INPP5F: variants seen among roughly 807,000 people sequenced by gnomAD.
INPP5F encodes phosphatidylinositide 4-phosphatase SAC2.
Under a neutral mutation model 137.2 loss-of-function variants are expected in INPP5F, and 97 were observed. That is an observed-to-expected ratio of 0.71 (90% CI 0.60 to 0.84). INPP5F has a LOEUF of 0.84. INPP5F is among the 40% of genes least tolerant of loss of function. The pLI is 0.00. For synonymous variants in INPP5F, 504 were observed against 476.9 expected (o/e 1.06, Z -0.74); for missense variants, 1,271 against 1,371.9 (o/e 0.93, Z 1.16).
rs1203194769 is a variant in INPP5F, at chr10:119,748,522, G to A, written c.98-2554G>A. Among the ~76,000 whole-genome samples the A allele has an allele frequency of 5.3e-5, 8 of 152,144 alleles. No homozygotes were observed. The highest frequency in any genetic ancestry group is 8.8e-5 in the Non-Finnish European group (6 of 68,016). On this transcript the variant is annotated intron_variant, in intron 1 of 19. Coordinates refer to ENST00000650623, the MANE Select transcript of INPP5F (RefSeq NM_014937.4). This position sits in a 1 kb window ranked among gnomAD's most constrained non-coding sequence, Gnocchi z 4.7. Reference sequence around the variant, plus strand: ...GCAAGGTATGTGGACAACTGGAGGGGGAGCAAGGCAGAGAGCAGCTTCATT... The same window carrying A: ...GCAAGGTATGTGGACAACTGGAGGGAGAGCAAGGCAGAGAGCAGCTTCATT...
At chr10:119,757,915 T>C (rs763528587) in intron 2 of INPP5F, among the ~76,000 whole-genome samples, 2 of 152,272 alleles carry the variant, frequency 1.3e-5, no homozygotes, top group Non-Finnish European at 2.9e-5. Flanking sequence ...GGGCCATGTC[T>C]ATTCTGCTTA....
chr10:119,797,021 C>T, intron 7 of INPP5F, 108 bp downstream of exon 7: 3 of 1,075,520 alleles, frequency 2.8e-6, no homozygotes, highest in Admixed American at 2.0e-5. Flanking sequence ...ACACAGTTGG[C>T]TTCAAAGTGC....
At chr10:119,821,070 C>G (rs557034584) in intron 16 of INPP5F, among the ~76,000 whole-genome samples, 153 bp downstream of exon 16, 6 of 152,218 alleles carry the variant, frequency 3.9e-5, no homozygotes, top group Middle Eastern at 3.4e-3. Flanking sequence ...ATAACTGTTA[C>G]GTCATTCTAA....
intron 6 of INPP5F, among the ~76,000 whole-genome samples, chr10:119,795,354 TC>T (rs1216111883): frequency 2.1e-5 from 3 of 143,858 alleles, no homozygotes; most frequent in Non-Finnish European, 4.5e-5. Flanking sequence ...GCTCCTCACT[TC>T]TCAGACGGGG....
At chr10:119,824,018 TAG>T in intron 19 of INPP5F, 116 bp downstream of exon 19, 1 of 673,920 alleles carries the variant, frequency 1.5e-6, no homozygotes, top group Non-Finnish European at 2.5e-6. Context: ...TGTTGGTATT[TAG>T]AGAGGTAAGG....
At chr10:119,771,566 G>T (rs972831578) in intron 2 of INPP5F, among the ~76,000 whole-genome samples, 2 of 151,720 alleles carry the variant, frequency 1.3e-5, no homozygotes, top group African/African-American at 2.4e-5. Flanking sequence ...TCCTCTGAGA[G>T]TTTCTTTATG....
intron 6 of INPP5F, among the ~76,000 whole-genome samples, chr10:119,794,530 T>C (rs568158856): frequency 2.5e-4 from 38 of 152,080 alleles, no homozygotes; most frequent in African/African-American, 8.2e-4. Flanking sequence ...CAATGAGCTG[T>C]TGGGTACACC....
chr10:119,781,766 C>A lies in INPP5F; in HGVS notation c.310C>A (p.Leu104Ile). ...LSEMEPQDLE[L>I]ELCKKHHFGI... is the part of the protein sequence containing the mutation. ...TGAAATGGAACCTCAGGATCTTGAG[C>A]TAGAGGTAGGTGAAATAAAGGGAAA... Residue 104 changes from leucine to isoleucine, a missense_variant, in exon 3 of 20, where the codon CTA becomes ATA. Transcript: ENST00000650623. The A allele has an allele frequency of 6.3e-7, 1 of 1,596,028 alleles. No homozygotes were observed.
Position 119,797,449 on chromosome 10 carries a change from A to G in INPP5F, c.869-12A>G. On this transcript the variant is annotated splice_polypyrimidine_tract_variant and intron_variant, in intron 7 of 19. Coordinates refer to ENST00000650623, the MANE Select transcript of INPP5F (RefSeq NM_014937.4). ...TAAAATGTTGCTGTTTTCTGTTTTAATTTTCTTTCAGGAATGCGCTATAAA... is the reference window on the plus strand; with the variant it reads ...TAAAATGTTGCTGTTTTCTGTTTTAGTTTTCTTTCAGGAATGCGCTATAAA... 3.2e-6 allele frequency: 5 copies of G among 1,586,190 alleles called. No homozygotes were observed. Among genetic ancestry groups the G allele is most frequent in the Non-Finnish European group, 4.3e-6 (5 of 1,164,326 alleles).
chr10:119,729,034 A>G (rs1847972953), intron 1 of INPP5F, among the ~76,000 whole-genome samples: 1 of 152,076 alleles, frequency 6.6e-6, no homozygotes, highest in South Asian at 2.1e-4. Flanking sequence ...GTTTGAGTTG[A>G]GCTGAATTAA....
chr10:119,797,611 G>C lies in INPP5F; in HGVS notation c.1019G>C (p.Arg340Pro), dbSNP rs780758452. The C allele has an allele frequency of 3.1e-6, 5 of 1,612,752 alleles. No individual in the cohort carries two copies. Among genetic ancestry groups the C allele is most frequent in the South Asian group, 1.1e-5 (1 of 90,710 alleles). ...GTCTTTTGGAGCCAGGTTGGGTATC[G>C]ATATAACCCAAGACCGCGGCTGGAC... ...VPVFWSQVGY[R>P]YNPRPRLDRS... The change falls in exon 8 of 20, where the codon CGA (arginine) becomes CCA (proline). Residue 340 changes from arginine to proline, a missense_variant. Arg to Pro is a moderately radical substitution (Grantham distance 103). Around this residue, in one of 6 missense-constraint regions of INPP5F, gnomAD observed 593 missense variants for 712.4 expected, o/e 0.83. Coordinates refer to ENST00000650623, the MANE Select transcript of INPP5F (RefSeq NM_014937.4).
chr10:119,825,968 C>G, intron 19 of INPP5F: 1 of 398,434 alleles, frequency 2.5e-6, no homozygotes, highest in Non-Finnish European at 4.4e-6. Flanking sequence ...TGAGGGATAC[C>G]AAAGGAGAGA....
intron 6 of INPP5F, among the ~76,000 whole-genome samples, chr10:119,795,238 G>A (rs867058479): frequency 4.6e-5 from 7 of 151,218 alleles, no homozygotes; most frequent in Middle Eastern, 3.5e-3. Context: ...TGGACGGGGC[G>A]GCTGGCCGGG....
intron 1 of INPP5F, among the ~76,000 whole-genome samples, chr10:119,746,187 C>T (rs1006096859): frequency 9.3e-4 from 142 of 152,316 alleles, no homozygotes; most frequent in African/African-American, 3.2e-3. Flanking sequence ...ATGTGTTTCT[C>T]CAATGATGGG....
intron 15 of INPP5F, among the ~76,000 whole-genome samples, chr10:119,820,200 A>G (rs1851499206): frequency 6.6e-6 from 1 of 152,168 alleles, no homozygotes. Context: ...TTTTGGTTTC[A>G]TGGTTCATGA....
chr10:119,739,136 C>T (rs1353243064), intron 1 of INPP5F, among the ~76,000 whole-genome samples: 4 of 151,976 alleles, frequency 2.6e-5, no homozygotes, highest in Non-Finnish European at 1.5e-5. Context: ...GAGTTATGAT[C>T]AAGCTGCTGC....
In INPP5F at chr10:119,823,920, C is replaced by T. The variant is rs2134302136; in HGVS notation, c.2249+18C>T. The stretch of plus-strand genomic sequence containing the variant: ...CTTGAGAGGTGAGTATACTGCTTCT[C>T]TCAAGAATAAAGGCATTCTTATCCA... On this transcript the variant is annotated intron_variant, in intron 19 of 19. Coordinates refer to ENST00000650623, the MANE Select transcript of INPP5F (RefSeq NM_014937.4). The T allele has an allele frequency of 1.9e-6, 3 of 1,571,796 alleles. No homozygotes were observed. Among genetic ancestry groups the T allele is most frequent in the African/African-American group, 1.4e-5 (1 of 73,960 alleles).
At chr10:119,770,318 C>T (rs1849300259) in intron 2 of INPP5F, among the ~76,000 whole-genome samples, 1 of 152,150 alleles carries the variant, frequency 6.6e-6, no homozygotes, top group Non-Finnish European at 1.5e-5. Flanking sequence ...ATCCTGATCT[C>T]AAAATGGTAG....
intron 6 of INPP5F, among the ~76,000 whole-genome samples, chr10:119,794,514 C>T (rs1052528091): frequency 1.2e-4 from 18 of 152,076 alleles, no homozygotes; most frequent in South Asian, 4.2e-4. Flanking sequence ...CATCATGGCC[C>T]GTTCTCAATG....
Sources: allele counts gnomAD v4.1 joint callset (sites outside exome capture counted in the v4.1 genomes callset), GRCh38; gene constraint gnomAD v4.1.1; regional missense constraint gnomAD v4.1.1; non-coding constraint Gnocchi (gnomAD v3.1); transcripts MANE v1.5; gene names NCBI Gene and HGNC (gene_info 2026-07-23, HGNC 2026-07-21).